The following MEGF6 variants were observed in gnomAD, a reference collection of about 807,000 sequenced individuals.
MEGF6 encodes multiple epidermal growth factor-like domains protein 6.
A neutral mutation model predicts 207.1 loss-of-function variants in MEGF6; 184 were observed. The observed-to-expected ratio is 0.89, with a 90% confidence interval of 0.79 to 1.00. MEGF6 has a LOEUF of 1.00. Among genes scored for constraint, MEGF6 ranks in the 50% least tolerant of loss-of-function variants. The probability of loss-of-function intolerance (pLI) is 0.00; values close to 1 mark genes in which losing one functional copy is unlikely to be tolerated. For missense variants in MEGF6, 2,282 were observed against 2,202.9 expected (o/e 1.04, Z -0.72); for synonymous variants, 1,038 against 910.0 (o/e 1.14, Z -2.53).
chr1:3,510,995 C>T, intron 9 of MEGF6, 93 bp from the exon 10 acceptor site: 1 of 1,500,472 alleles, frequency 6.7e-7, no homozygotes, highest in East Asian at 2.4e-5. Context: ...CACACACAAC[C>T]CACGCGCCCG....
intron 4 of MEGF6, among the ~76,000 whole-genome samples, chr1:3,572,214 G>A (rs1393129840): frequency 7.3e-6 from 1 of 136,938 alleles, no homozygotes; most frequent in Non-Finnish European, 1.6e-5. Flanking sequence ...TCCTTCCTGA[G>A]TGTGCTAGGT....
chr1:3,619,577 A>G, the MEGF6 span, among the ~76,000 whole-genome samples: 2 of 148,138 alleles, frequency 1.4e-5, no homozygotes, highest in Admixed American at 1.3e-4. Flanking sequence ...AGTTCTCAGG[A>G]GATCTGATGG....
intron 4 of MEGF6, among the ~76,000 whole-genome samples, chr1:3,572,759 G>A (rs1188048753): frequency 1.3e-5 from 2 of 148,672 alleles, no homozygotes; most frequent in South Asian, 2.2e-4. Flanking sequence ...TCCTGTGTGT[G>A]CTGGGTTCTC....
rs1236452397 is a variant in MEGF6 at position 3,489,481 on chromosome 1, T to C, written c.*1047A>G. ...TGCCTCTTCCTTCCACTCTGGGCCC[T>C]TCTTCCAGGAGAAGTCAGCCTCAGC... On this transcript the variant is annotated 3_prime_UTR_variant, in exon 37 of 37. Coordinates refer to ENST00000356575, the MANE Select transcript of MEGF6 (RefSeq NM_001409.4). Among the ~76,000 whole-genome samples, 1 of 152,168 alleles carries C rather than the reference T, an allele frequency of 6.6e-6. No individual in the cohort carries two copies. Among genetic ancestry groups the C allele is most frequent in the East Asian group, 1.9e-4 (1 of 5,190 alleles).
At chr1:3,561,928 C>T (rs1643213580) in intron 4 of MEGF6, among the ~76,000 whole-genome samples, 1 of 152,210 alleles carries the variant, frequency 6.6e-6, no homozygotes, top group Non-Finnish European at 1.5e-5. Context: ...GGAAGGAAGC[C>T]AAGAACATTC....
intron 15 of MEGF6, 87 bp downstream of exon 15, chr1:3,506,021 T>C: frequency 6.8e-7 from 1 of 1,480,724 alleles, no homozygotes. Context: ...AGCCTCATCC[T>C]AACCCAGACT....
At chr1:3,609,852 C>T (rs991126356) in intron 1 of MEGF6, among the ~76,000 whole-genome samples, 1 of 152,184 alleles carries the variant, frequency 6.6e-6, no homozygotes, top group Non-Finnish European at 1.5e-5. Flanking sequence ...AGAGGCCCCT[C>T]GCAAGAGCAG....
Position 3,498,400 on chromosome 1 carries a change from G to A in MEGF6, c.3323C>T (p.Ala1108Val), listed in dbSNP as rs906298729. The change falls in exon 26 of 37, where the codon GCC becomes GTC. Residue 1108 changes from alanine (A) to valine (V), a missense_variant. Transcript: ENST00000356575. The stretch of plus-strand genomic sequence containing the variant: ...CTGACACTTGTCCCCAGTCCAGCCG[G>A]CTGGGCAGAGGCAGCGGCCCGTGTG... The part of the protein sequence containing the change: ...DPHTGRCLCP[A>V]GWTGDKCQSP... 4 of 1,600,370 alleles carry A rather than the reference G, an allele frequency of 2.5e-6. No individual in the cohort carries two copies. The highest frequency in any genetic ancestry group is 1.7e-4 in the Middle Eastern group (1 of 5,938).
intron 4 of MEGF6, among the ~76,000 whole-genome samples, chr1:3,539,062 T>A (rs1642421029): frequency 6.6e-6 from 1 of 152,064 alleles, no homozygotes; most frequent in South Asian, 2.1e-4. Flanking sequence ...CAGGCCTCAG[T>A]GGGGTCAAGA....
intron 4 of MEGF6, among the ~76,000 whole-genome samples, chr1:3,579,587 A>G (rs1162494956): frequency 1.3e-5 from 2 of 152,216 alleles, no homozygotes; most frequent in African/African-American, 4.8e-5. Context: ...CTGAGATGAT[A>G]TGCTTCAGCG....
In MEGF6 at chr1:3,515,439, G is replaced by C. The variant is rs756019291; in HGVS notation, c.693C>G (p.Pro231=). 5.0e-6 allele frequency: 8 copies of C among 1,612,612 alleles called. No individual in the cohort carries two copies. In the Admixed American group the frequency reaches 1.3e-4, roughly 27 times the overall value. The change falls in exon 6 of 37, where the codon CCC becomes CCG. Residue 231 remains proline (P), a synonymous_variant. Transcript: ENST00000356575. The stretch of plus-strand genomic sequence containing the variant: ...TGCCGTCCTCCTGGAGCTGGAACCC[G>C]GGCCGGCACTGGCAGCGATGCCGAG... ...TITRHRCQCR[P]GFQLQEDGRH...
At chr1:3,547,817 G>T (rs567226768) in intron 4 of MEGF6, among the ~76,000 whole-genome samples, 2 of 152,334 alleles carry the variant, frequency 1.3e-5, no homozygotes, top group East Asian at 3.9e-4. Flanking sequence ...GGTTCAGGCA[G>T]CAGGACTTCC....
At chr1:3,543,417 G>A (rs756294303) in intron 4 of MEGF6, among the ~76,000 whole-genome samples, 6 of 152,228 alleles carry the variant, frequency 3.9e-5, no homozygotes, top group African/African-American at 1.2e-4. Context: ...TCACTCACTC[G>A]CTCGGCAAGA....
At chr1:3,516,113 C>T (rs1457949316) in intron 5 of MEGF6, among the ~76,000 whole-genome samples, 1 of 152,244 alleles carries the variant, frequency 6.6e-6, no homozygotes, top group Admixed American at 6.5e-5. Context: ...TCACGCCTGT[C>T]CCCACGCATT....
At chr1:3,595,501 G>A (rs536986195) in intron 2 of MEGF6, 54 bp from the exon 3 acceptor site, 40 of 1,437,534 alleles carry the variant, frequency 2.8e-5, no homozygotes, top group Middle Eastern at 1.7e-4. Flanking sequence ...GGCTGTATTC[G>A]GCTCTCACTG....
the MEGF6 span, among the ~76,000 whole-genome samples, chr1:3,622,266 G>T: frequency 6.6e-6 from 1 of 152,200 alleles, no homozygotes. Context: ...GATTTCCCCC[G>T]TGCTGTTCTT....
intron 4 of MEGF6, among the ~76,000 whole-genome samples, chr1:3,525,740 G>C (rs1641936678): frequency 6.6e-6 from 1 of 152,232 alleles, no homozygotes; most frequent in African/African-American, 2.4e-5. Context: ...GACCCTGCCA[G>C]GGCTGGAGAC....
chr1:3,561,254 G>A (rs1331251082), intron 4 of MEGF6, among the ~76,000 whole-genome samples: 1 of 152,074 alleles, frequency 6.6e-6, no homozygotes, highest in Non-Finnish European at 1.5e-5. Context: ...AGGAGCAAGG[G>A]CTACGGGGCA....
In MEGF6 at chr1:3,585,335, A is replaced by G. The variant is rs538164678; in HGVS notation, c.377-5406T>C. 7.2e-3 allele frequency among the ~76,000 whole-genome samples: 980 copies of G among 135,726 alleles called. 16 individuals carry two copies. Among genetic ancestry groups the G allele is most frequent in the African/African-American group, 0.019 (654 of 34,880 alleles). The allele number at this position is 135,726 out of a possible 152,430, so 89.0% of individuals were successfully genotyped here. ...TCCTGTGTGTGGGAATGAGTGACACATGTCCTATGTGTGTGAGTGAGGACA... is the reference window on the plus strand; with the variant it reads ...TCCTGTGTGTGGGAATGAGTGACACGTGTCCTATGTGTGTGAGTGAGGACA... On this transcript the variant is annotated intron_variant, in intron 3 of 36. Transcript: ENST00000356575.
Sources: gnomAD v4.1 joint callset for allele counts (sites outside exome capture counted in the v4.1 genomes callset) on GRCh38, gnomAD v4.1.1 for gene constraint, MANE v1.5 for transcripts, NCBI Gene and HGNC (gene_info 2026-07-23, HGNC 2026-07-21) for gene names.